The following PDE4D variants were observed in gnomAD, a reference collection of about 807,000 sequenced individuals.
PDE4D encodes phosphodiesterase 4D.
A neutral mutation model predicts 87.4 loss-of-function variants in PDE4D; 24 were observed. That is an observed-to-expected ratio of 0.27 (90% CI 0.20 to 0.39). The LOEUF (loss-of-function observed/expected upper bound fraction) is 0.39. PDE4D is among the 10% of genes least tolerant of loss of function. The pLI is 1.00. For synonymous variants in PDE4D, 384 were observed against 383.2 expected (o/e 1.00, Z -0.02); for missense variants, 714 against 1,041.0 (o/e 0.69, Z 4.32).
intron 2 of PDE4D, among the ~76,000 whole-genome samples, chr5:60,134,982 A>C (rs886467265): frequency 6.6e-6 from 1 of 152,182 alleles, no homozygotes; most frequent in Non-Finnish European, 1.5e-5. Context: ...GTAAGCTCAC[A>C]TAATTCTACT....
At chr5:59,958,418 G>A (rs1759098916) in intron 3 of PDE4D, among the ~76,000 whole-genome samples, 1 of 152,068 alleles carries the variant, frequency 6.6e-6, no homozygotes. Context: ...GGCAAGATAA[G>A]TTAAATCAGC....
chr5:60,053,073 A>T (rs1420151226), intron 2 of PDE4D, among the ~76,000 whole-genome samples: 2 of 152,244 alleles, frequency 1.3e-5, no homozygotes, highest in Non-Finnish European at 2.9e-5. Flanking sequence ...TTCCATGCTC[A>T]CTGATAAAAA....
At chr5:60,515,601 C>CTTTTTTTTTTTTTTTTTTTTTTTT (rs954970783) in intron 1 of PDE4D, among the ~76,000 whole-genome samples, 1 of 106,824 alleles carries the variant, frequency 9.4e-6, no homozygotes, top group African/African-American at 3.2e-5. Context: ...TTTTCTTTTT[C>CTTTTTTTTTTTTTTTTTTTTTTTT]TTTTTTTTTT....
At chr5:59,370,510 T>C (rs1262193198) in intron 1 of PDE4D, among the ~76,000 whole-genome samples, 1 of 152,266 alleles carries the variant, frequency 6.6e-6, no homozygotes, top group Non-Finnish European at 1.5e-5. Context: ...AAGATTTAAA[T>C]GTCAGTTTAA....
At position 60,472,272 on chromosome 5, in the gene PDE4D, A is replaced by G. The variant is rs112057847; in HGVS notation, c.-90+15670T>C. Reference sequence around the variant, plus strand: ...ATGTTAAAATTCCCATTTCACAGATAAGAAAACTGAGGCACAGCCAACTTA... The same window carrying G: ...ATGTTAAAATTCCCATTTCACAGATGAGAAAACTGAGGCACAGCCAACTTA... On this transcript the variant is annotated intron_variant, in intron 1 of 16. Transcript: ENST00000502484. Among the ~76,000 whole-genome samples, 327 of 152,248 alleles carry G rather than the reference A, an allele frequency of 2.1e-3. 2 individuals carry two copies. The highest frequency in any genetic ancestry group is 7.6e-3 in the African/African-American group (315 of 41,554).
chr5:59,484,401 T>A (rs1014762017), intron 1 of PDE4D, among the ~76,000 whole-genome samples: 2 of 152,318 alleles, frequency 1.3e-5, no homozygotes, highest in South Asian at 4.1e-4. Context: ...TCTGTAAATG[T>A]CATATCTTTG....
chr5:60,031,927 C>T (rs1389661838), intron 2 of PDE4D, among the ~76,000 whole-genome samples: 1 of 152,048 alleles, frequency 6.6e-6, no homozygotes, highest in Non-Finnish European at 1.5e-5. Flanking sequence ...AAGCAAATTA[C>T]AAGAATAATT....
chr5:60,378,897 G>A (rs1761641897), intron 1 of PDE4D, among the ~76,000 whole-genome samples: 1 of 151,824 alleles, frequency 6.6e-6, no homozygotes, highest in South Asian at 2.1e-4. Flanking sequence ...GAGAGAGAGA[G>A]AAAGAAAGAA....
intron 5 of PDE4D, among the ~76,000 whole-genome samples, chr5:59,055,362 T>G (rs1762180299): frequency 6.6e-6 from 1 of 152,216 alleles, no homozygotes; most frequent in Non-Finnish European, 1.5e-5. Context: ...GAACTTATAC[T>G]GGATTTTTAA....
intron 1 of PDE4D, among the ~76,000 whole-genome samples, chr5:59,523,479 C>A (rs1582973805): frequency 6.6e-6 from 1 of 152,176 alleles, no homozygotes; most frequent in Non-Finnish European, 1.5e-5. Context: ...CACTGCACAA[C>A]ATTTCTTACA....
Position 58,974,961 on chromosome 5 carries a change from T to A in PDE4D, c.2133A>T (p.Thr711=). 6.2e-7 allele frequency: 1 copy of A among 1,613,466 alleles called. No homozygotes were observed. ...LEDNREWYQS[T]IPQSPSPAPD... is the part of the protein sequence containing the mutation. The stretch of plus-strand genomic sequence containing the variant: ...GTGCAGGAGAGGGGCTCTGAGGGAT[T>A]GTGCTCTGGTACCATTCACGATTGT... Residue 711 remains threonine, a synonymous_variant, in exon 15 of 15, where the codon ACA becomes ACT. Transcript: ENST00000340635.
At chr5:59,550,265 G>A (rs1817896076) in intron 1 of PDE4D, among the ~76,000 whole-genome samples, 1 of 151,914 alleles carries the variant, frequency 6.6e-6, no homozygotes, top group South Asian at 2.1e-4. Flanking sequence ...GGTATATTGT[G>A]CTAATTCCCG....
At chr5:59,319,501 C>T (rs907600345) in intron 1 of PDE4D, among the ~76,000 whole-genome samples, 2 of 152,038 alleles carry the variant, frequency 1.3e-5, no homozygotes, top group African/African-American at 4.8e-5. Context: ...GCTCAGCTGA[C>T]AGTAATTTTC....
chr5:59,276,122 G>GAAAAAAAAAA (rs56153175), intron 1 of PDE4D: 4 of 854,578 alleles, frequency 4.7e-6, no homozygotes, highest in Admixed American at 9.2e-5. Flanking sequence ...AGTGAGAAAG[G>GAAAAAAAAAA]AAAAAAAAAA....
chr5:59,035,733 A>T (rs1758393006), intron 6 of PDE4D, among the ~76,000 whole-genome samples: 1 of 152,198 alleles, frequency 6.6e-6, no homozygotes, highest in South Asian at 2.1e-4. Context: ...AAGAAACAAA[A>T]CCATAATTCA....
chr5:59,673,715 C>T (rs1232341560), intron 1 of PDE4D, among the ~76,000 whole-genome samples: 2 of 152,040 alleles, frequency 1.3e-5, no homozygotes, highest in East Asian at 3.8e-4. Context: ...TTGGCCCATA[C>T]ATTAGAATTG....
Position 58,974,643 on chromosome 5 carries a change from G to A in PDE4D, c.*21C>T, listed in dbSNP as rs1315505315. ...AATTTTTCTACTTAAAAAAAAAAAA[G>A]GCATGAAAGTTTTTGCACTGTTACG... On this transcript the variant is annotated 3_prime_UTR_variant, in exon 15 of 15. Transcript: ENST00000340635. 9.3e-6 allele frequency: 14 copies of A among 1,497,472 alleles called. No homozygotes were observed. Among genetic ancestry groups the A allele is most frequent in the East Asian group, 2.3e-5 (1 of 43,364 alleles). The allele number at this position is 1,497,472 out of a possible 1,614,324, so 92.8% of individuals were successfully genotyped here. A position where few individuals can be genotyped will look rare whatever the true frequency, so the allele number is the denominator to read the frequency against.
intron 2 of PDE4D, among the ~76,000 whole-genome samples, chr5:59,207,357 C>G (rs1224315733): frequency 1.3e-5 from 2 of 151,918 alleles, no homozygotes; most frequent in Non-Finnish European, 2.9e-5. Flanking sequence ...GAACCAATAT[C>G]TCTCCTGTAA....
chr5:60,116,172 T>C (rs2149367863), intron 2 of PDE4D, among the ~76,000 whole-genome samples: 1 of 152,140 alleles, frequency 6.6e-6, no homozygotes, highest in Middle Eastern at 3.4e-3. Context: ...GGGCAAACGA[T>C]GGATTATAGT....
Sources: gnomAD v4.1 joint callset for allele counts (sites outside exome capture counted in the v4.1 genomes callset) on GRCh38, gnomAD v4.1.1 for gene constraint, MANE v1.5 for transcripts, NCBI Gene and HGNC (gene_info 2026-07-23, HGNC 2026-07-21) for gene names.